Variants in CYTH1 observed in about 807,000 individuals in gnomAD.
CYTH1 encodes the protein cytohesin 1.
In CYTH1, 18 loss-of-function variants were observed where a neutral mutation model predicts 61.8. The ratio of observed to expected loss-of-function variants is 0.29; its 90% confidence interval spans 0.20 to 0.43. The LOEUF (loss-of-function observed/expected upper bound fraction) is 0.43. CYTH1 is among the 20% of genes least tolerant of loss of function. CYTH1 has a pLI of 1.00. For missense variants in CYTH1, 336 were observed against 510.5 expected (o/e 0.66, Z 3.29); for synonymous variants, 174 against 184.3 (o/e 0.94, Z 0.45).
At chr17:78,779,149 C>T (rs2093505891) in intron 1 of CYTH1, among the ~76,000 whole-genome samples, 1 of 152,110 alleles carries the variant, frequency 6.6e-6, no homozygotes, top group African/African-American at 2.4e-5. Flanking sequence ...GCCTGTAATC[C>T]CAGCACTTTG....
In CYTH1 at chr17:78,690,393, C is replaced by CAAAAAAAAAAAAAAAAAAA. The variant is rs60663636; in HGVS notation, c.891+2005_891+2023dup. ...TGGGCAACAGAGCGAGACTCCATCT[C>CAAAAAAAAAAAAAAAAAAA]AAAAAAAAAAAAAAAAAAAAAAAAA... On this transcript the variant is annotated intron_variant, in intron 11 of 13. Coordinates refer to ENST00000446868, the MANE Select transcript of CYTH1 (RefSeq NM_004762.6). Among the ~76,000 whole-genome samples the CAAAAAAAAAAAAAAAAAAA allele has an allele frequency of 4.2e-4, 12 of 28,314 alleles. 2 individuals are homozygous for CAAAAAAAAAAAAAAAAAAA. The highest frequency in any genetic ancestry group is 4.9e-4 in the Non-Finnish European group (8 of 16,468). The allele number at this position is 28,314 out of a possible 152,430, so 18.6% of individuals were successfully genotyped here.
intron 1 of CYTH1, among the ~76,000 whole-genome samples, chr17:78,753,450 CAG>C (rs2093388304): frequency 6.6e-6 from 1 of 152,028 alleles, no homozygotes; most frequent in African/African-American, 2.4e-5. Flanking sequence ...CACTTGAGCC[CAG>C]AAGTTTGAGA....
chr17:78,751,697 T>C (rs1392297184), intron 1 of CYTH1, among the ~76,000 whole-genome samples: 1 of 152,110 alleles, frequency 6.6e-6, no homozygotes, highest in Non-Finnish European at 1.5e-5. Context: ...AGTAGGAAAA[T>C]TCATGAATAC....
intron 11 of CYTH1, among the ~76,000 whole-genome samples, chr17:78,687,455 C>T (rs898142332): frequency 2.0e-5 from 3 of 152,310 alleles, no homozygotes; most frequent in Admixed American, 6.5e-5. Context: ...CTGTCATTTG[C>T]GATCTCAAGC....
At chr17:78,722,860 C>A (rs1370893135) in intron 1 of CYTH1, among the ~76,000 whole-genome samples, 1 of 152,152 alleles carries the variant, frequency 6.6e-6, no homozygotes, top group East Asian at 1.9e-4. Context: ...AAAACAGAAA[C>A]TCCACGGGTG....
At chr17:78,773,502 C>T (rs1247051566) in intron 1 of CYTH1, among the ~76,000 whole-genome samples, 5 of 150,046 alleles carry the variant, frequency 3.3e-5, no homozygotes, top group Admixed American at 6.6e-5. Context: ...TGGTGGCGTG[C>T]GCCTGTAATT....
intron 1 of CYTH1, among the ~76,000 whole-genome samples, chr17:78,750,479 C>T (rs760624512): frequency 2.0e-5 from 3 of 152,126 alleles, no homozygotes; most frequent in Non-Finnish European, 2.9e-5. Context: ...TAAGCTATAG[C>T]TGATTCTTGC....
chr17:78,700,043 G>A lies in CYTH1; in HGVS notation c.550+288C>T, dbSNP rs954472065. 6.6e-6 allele frequency among the ~76,000 whole-genome samples: 1 copy of A among 151,964 alleles called. No individual in the cohort carries two copies. Among genetic ancestry groups the A allele is most frequent in the African/African-American group, 2.4e-5 (1 of 41,360 alleles). ...TAGCCTCAAGCAATCCTCTCACCTC[G>A]GCCTCCCACCCAAGGTGCTGACATT... On this transcript the variant is annotated intron_variant, in intron 7 of 13. Coordinates refer to ENST00000446868, the MANE Select transcript of CYTH1 (RefSeq NM_004762.6). This position sits in a 1 kb window ranked among gnomAD's most constrained non-coding sequence, Gnocchi z 5.1.
chr17:78,706,288 A>C (rs2093064950), intron 3 of CYTH1, among the ~76,000 whole-genome samples: 1 of 150,212 alleles, frequency 6.7e-6, no homozygotes, highest in Admixed American at 6.6e-5. Flanking sequence ...TTCCTAGTCA[A>C]CCCCACCCCA....
intron 1 of CYTH1, among the ~76,000 whole-genome samples, chr17:78,761,872 A>G (rs2093430331): frequency 6.6e-6 from 1 of 152,262 alleles, no homozygotes; most frequent in South Asian, 2.1e-4. Flanking sequence ...GGGAAAGAAC[A>G]GTAGTAGTCA....
In CYTH1 at chr17:78,676,186, G is replaced by T. The variant is rs377206359; in HGVS notation, c.1119-17C>A. The T allele has an allele frequency of 7.4e-5, 119 of 1,598,696 alleles. No individual in the cohort carries two copies. Among genetic ancestry groups the T allele is most frequent in the Non-Finnish European group, 9.6e-5 (113 of 1,172,590 alleles). On this transcript the variant is annotated splice_polypyrimidine_tract_variant and intron_variant, in intron 13 of 13. Coordinates refer to ENST00000446868, the MANE Select transcript of CYTH1 (RefSeq NM_004762.6). ...ATGGCTGCTCTGGAGCACAGAAAAGGGAGAAAACAGAGACGTGAGGGACAG... is the reference window on the plus strand; with the variant it reads ...ATGGCTGCTCTGGAGCACAGAAAAGTGAGAAAACAGAGACGTGAGGGACAG...
intron 1 of CYTH1, chr17:78,736,985 G>C: frequency 6.4e-6 from 1 of 156,000 alleles, no homozygotes; most frequent in South Asian, 1.6e-4. Context: ...TCGAGCTCAA[G>C]CACCTTCCGA....
intron 11 of CYTH1, among the ~76,000 whole-genome samples, chr17:78,688,523 C>T (rs1195444205): frequency 1.3e-5 from 2 of 152,216 alleles, no homozygotes; most frequent in African/African-American, 4.8e-5. Context: ...ACCTTTTGAA[C>T]CACAGCCTCT....
intron 1 of CYTH1, among the ~76,000 whole-genome samples, chr17:78,745,619 C>T (rs183869301): frequency 2.7e-4 from 41 of 152,290 alleles, no homozygotes; most frequent in African/African-American, 9.4e-4. Context: ...CCTGGCTGGG[C>T]GCAGTGGCTC....
chr17:78,680,967 T>G lies in CYTH1; in HGVS notation c.963+4A>C. On this transcript the variant is annotated splice_donor_region_variant and intron_variant, in intron 12 of 13. Transcript: ENST00000446868. ...CCTCAAAATATCTCAGCAAAAATAC[T>G]CACTGGTTTTTTGGAGTCCTCCACT... The G allele has an allele frequency of 6.2e-7, 1 of 1,613,970 alleles. No individual in the cohort carries two copies. The highest frequency in any genetic ancestry group is 8.5e-7 in the Non-Finnish European group (1 of 1,179,886).
intron 13 of CYTH1, chr17:78,676,758 G>C: frequency 2.9e-6 from 1 of 345,222 alleles, no homozygotes; most frequent in Non-Finnish European, 5.7e-6. Context: ...CAGGGAGGGG[G>C]CCCGAGCTCA....
chr17:78,702,283 A>G (rs1448056327), intron 4 of CYTH1, 43 bp from the exon 5 acceptor site: 1 of 1,511,526 alleles, frequency 6.6e-7, no homozygotes, highest in Admixed American at 1.7e-5. Flanking sequence ...TTTGCTGGGA[A>G]ACAGTTGAAA....
At chr17:78,699,196 C>G (rs1261960021) in intron 7 of CYTH1, among the ~76,000 whole-genome samples, 1 of 152,096 alleles carries the variant, frequency 6.6e-6, no homozygotes, top group African/African-American at 2.4e-5. Context: ...GAAAACCCGT[C>G]TCTACTAAAA....
At chr17:78,698,544 C>T (rs899248794) in intron 8 of CYTH1, among the ~76,000 whole-genome samples, 164 bp from the exon 9 acceptor site, 3 of 152,154 alleles carry the variant, frequency 2.0e-5, no homozygotes, top group Non-Finnish European at 2.9e-5. Flanking sequence ...AGGCAGCTCA[C>T]AGTGACAAAA....
Sources: gnomAD v4.1 joint callset for allele counts (sites outside exome capture counted in the v4.1 genomes callset) on GRCh38, gnomAD v4.1.1 for gene constraint, Gnocchi (gnomAD v3.1) non-coding constraint, MANE v1.5 for transcripts, NCBI Gene and HGNC (gene_info 2026-07-23, HGNC 2026-07-21) for gene names.